NCKAP1: variants seen among roughly 807,000 people sequenced by gnomAD.
NCKAP1 encodes the protein nck-associated protein 1.
In NCKAP1, 21 loss-of-function variants were observed where a neutral mutation model predicts 151.2. The ratio of observed to expected loss-of-function variants is 0.14; its 90% CI spans 0.10 to 0.20. The LOEUF (loss-of-function observed/expected upper bound fraction) is 0.20. Among genes scored for constraint, NCKAP1 ranks in the 10% least tolerant of loss-of-function variants. NCKAP1 has a pLI of 1.00. For missense variants in NCKAP1, 933 were observed against 1,352.1 expected, an observed-to-expected ratio of 0.69 and a Z score of 4.86; for synonymous variants, 484 against 451.8, an observed-to-expected ratio of 1.07 and a Z score of -0.90.
At chr2:182,963,817 C>T (rs1022972021) in intron 17 of NCKAP1, among the ~76,000 whole-genome samples, 10 of 151,974 alleles carry the variant, frequency 6.6e-5, no homozygotes, top group African/African-American at 1.9e-4. Context: ...TATTAAAATT[C>T]GTGGTATTAA....
Position 182,910,828 on chromosome 2 carries a change from C to A in NCKAP1, c.*14874G>T, listed in dbSNP as rs1318244875. On this transcript the variant is annotated 3_prime_UTR_variant, in exon 31 of 31. Coordinates refer to ENST00000361354, the MANE Select transcript of NCKAP1 (RefSeq NM_013436.5). ...ATCAAGAACACTGGCTTATCAGCAA[C>A]CTTCAGAGAAAGTTACTGAGAAGAA... 1 of 152,054 alleles carries A rather than the reference C, an allele frequency of 6.6e-6. No homozygotes were observed. The highest frequency in any genetic ancestry group is 2.4e-5 in the African/African-American group (1 of 41,406). 9.4% of individuals were successfully genotyped at this position (152,054 alleles called of 1,614,324 possible). A position where few individuals can be genotyped will look rare whatever the true frequency, so the allele number is the denominator to read the frequency against.
rs1175118215 is a variant in NCKAP1 at position 182,924,120 on chromosome 2, T to A, written c.*1582A>T. The A allele has an allele frequency of 6.6e-6, 1 of 152,244 alleles. No individual in the cohort carries two copies. Among genetic ancestry groups the A allele is most frequent in the African/African-American group, 2.4e-5 (1 of 41,470 alleles). The allele number at this position is 152,244 out of a possible 1,614,324, so 9.4% of individuals were successfully genotyped here. A position where few individuals can be genotyped will look rare whatever the true frequency, so the allele number is the denominator to read the frequency against. On this transcript the variant is annotated 3_prime_UTR_variant, in exon 31 of 31. Transcript: ENST00000361354. ...ATTTCAGGTCTGAACTATGCCATTT[T>A]AAAATTTCCCTTTTTAAAAAATCTT...
chr2:182,930,614 T>C (rs1215858683), intron 27 of NCKAP1, 81 bp downstream of exon 27: 8 of 1,055,930 alleles, frequency 7.6e-6, no homozygotes, highest in Admixed American at 2.2e-5. Flanking sequence ...CATTTGAATA[T>C]ATGGTTAAAT....
intron 24 of NCKAP1, among the ~76,000 whole-genome samples, chr2:182,940,215 A>G (rs1696967284): frequency 1.3e-5 from 2 of 152,164 alleles, no homozygotes; most frequent in Non-Finnish European, 2.9e-5. Flanking sequence ...GTATTAAAAA[A>G]TGGGAGAAAA....
intron 2 of NCKAP1, among the ~76,000 whole-genome samples, chr2:183,019,020 A>G (rs1698746717): frequency 6.6e-6 from 1 of 152,202 alleles, no homozygotes; most frequent in African/African-American, 2.4e-5. Context: ...AATAATATCT[A>G]TAACATAAAA....
At chr2:182,940,041 T>C (rs1290228244) in intron 24 of NCKAP1, among the ~76,000 whole-genome samples, 1 of 152,136 alleles carries the variant, frequency 6.6e-6, no homozygotes, top group East Asian at 1.9e-4. Context: ...ACTTGCAAAT[T>C]CTGTTTGGAA....
At chr2:182,948,452 C>A (rs755911521) in intron 23 of NCKAP1, among the ~76,000 whole-genome samples, 2 of 152,100 alleles carry the variant, frequency 1.3e-5, no homozygotes, top group Non-Finnish European at 2.9e-5. Context: ...AGCGAGAATA[C>A]AGCCACTCCA....
chr2:182,939,268 G>A (rs1184786207), intron 24 of NCKAP1, among the ~76,000 whole-genome samples: 1 of 152,140 alleles, frequency 6.6e-6, no homozygotes, highest in Non-Finnish European at 1.5e-5. Context: ...GGTGGCTCAC[G>A]CTTGTAATCC....
intron 18 of NCKAP1, among the ~76,000 whole-genome samples, 188 bp downstream of exon 18, chr2:182,961,971 C>T (rs777595462): frequency 2.0e-5 from 3 of 152,306 alleles, no homozygotes; most frequent in African/African-American, 7.2e-5. Context: ...ACAAACAGTA[C>T]GTACAGTCTT....
intron 27 of NCKAP1, among the ~76,000 whole-genome samples, chr2:182,929,291 CTT>C (rs1193776169): frequency 1.3e-5 from 2 of 151,700 alleles, no homozygotes; most frequent in African/African-American, 4.8e-5. Context: ...ATTTAGAAAA[CTT>C]ATAAATTATT....
At chr2:182,926,288 A>C (rs1203559099) in intron 30 of NCKAP1, among the ~76,000 whole-genome samples, 1 of 152,072 alleles carries the variant, frequency 6.6e-6, no homozygotes, top group East Asian at 1.9e-4. Flanking sequence ...AAGAAAGACT[A>C]TCTGGAAAAA....
intron 15 of NCKAP1, among the ~76,000 whole-genome samples, chr2:182,969,108 A>G (rs1239398439): frequency 6.6e-6 from 1 of 152,248 alleles, no homozygotes; most frequent in East Asian, 1.9e-4. Flanking sequence ...CATGAATTCA[A>G]TAAAGAGTTC....
At chr2:183,002,592 T>G (rs956360197) in intron 4 of NCKAP1, among the ~76,000 whole-genome samples, 3 of 151,954 alleles carry the variant, frequency 2.0e-5, no homozygotes, top group African/African-American at 7.2e-5. Context: ...AAATTATTTT[T>G]TAAAGTTCAC....
intron 20 of NCKAP1, among the ~76,000 whole-genome samples, chr2:182,954,979 A>C (rs904881558): frequency 1.3e-5 from 2 of 151,990 alleles, no homozygotes; most frequent in Non-Finnish European, 2.9e-5. Context: ...TCCACCCACC[A>C]ATGTCCCACC....
chr2:182,943,575 C>A (rs6720664), intron 23 of NCKAP1, among the ~76,000 whole-genome samples: 142,997 of 152,074 alleles, frequency 0.94, 67,396 homozygotes, highest in East Asian at 0.99. Flanking sequence ...CTTTAAACAT[C>A]GTATCACATA....
At chr2:183,028,896 G>A (rs1156600478) in intron 1 of NCKAP1, among the ~76,000 whole-genome samples, 2 of 151,070 alleles carry the variant, frequency 1.3e-5, no homozygotes, top group Non-Finnish European at 2.9e-5. Flanking sequence ...GGCAGATCGC[G>A]AGGTCAGGAG....
chr2:182,995,595 C>T (rs1698252727), intron 7 of NCKAP1, 106 bp downstream of exon 7: 1 of 1,063,296 alleles, frequency 9.4e-7, no homozygotes, highest in African/African-American at 1.6e-5. Flanking sequence ...TGAACTTCAA[C>T]TAATAAGCTA....
intron 17 of NCKAP1, among the ~76,000 whole-genome samples, chr2:182,962,643 T>G (rs544513647): frequency 1.3e-5 from 2 of 152,286 alleles, no homozygotes; most frequent in African/African-American, 2.4e-5. Context: ...TTTAGAGTAC[T>G]GTTTCCAATC....
chr2:182,983,276 A>C lies in NCKAP1; in HGVS notation c.1101+10T>G, dbSNP rs1417059076. On this transcript the variant is annotated intron_variant, in intron 11 of 30. Transcript: ENST00000361354. ...GGCACAATTATTGAAATAATAATTA[A>C]ATGAATTACCTTGGGACCTAGCAAT... The C allele has an allele frequency of 6.4e-7, 1 of 1,556,554 alleles. No homozygotes were observed. The highest frequency in any genetic ancestry group is 2.2e-5 in the East Asian group (1 of 44,624).
Sources: gnomAD v4.1 joint callset for allele counts (sites outside exome capture counted in the v4.1 genomes callset) on GRCh38, gnomAD v4.1.1 for gene constraint, MANE v1.5 for transcripts, NCBI Gene and HGNC (gene_info 2026-07-23, HGNC 2026-07-21) for gene names.